The following MIER1 variants were observed in gnomAD, a reference collection of about 807,000 sequenced individuals.
MIER1 encodes the protein MIER1 transcriptional regulator.
In MIER1, 40 loss-of-function variants were observed where a neutral mutation model predicts 75.7. That is an observed-to-expected ratio of 0.53 (90% CI 0.41 to 0.69). The LOEUF (loss-of-function observed/expected upper bound fraction) is 0.69, where lower values mean the gene tolerates loss of function less well. Ranked by LOEUF, MIER1 falls within the 30% of genes least tolerant of loss-of-function variation. The probability of loss-of-function intolerance (pLI) is 0.00; values close to 1 mark genes in which losing one functional copy is unlikely to be tolerated. For missense variants in MIER1, 574 were observed against 680.2 expected (o/e 0.84, Z 1.74); for synonymous variants, 213 against 223.4 (o/e 0.95, Z 0.42).
Position 66,958,235 on chromosome 1 carries a change from A to C in MIER1, c.501+15A>C. 1 of 1,572,400 alleles carries C rather than the reference A, an allele frequency of 6.4e-7. No homozygotes were observed. The highest frequency in any genetic ancestry group is 1.7e-5 in the Admixed American group (1 of 57,222). ...GGGAAAATAAAGTAAGTCTATATACATATATTTAAGATTGTAGTCTTTATT... is the reference window on the plus strand; with the variant it reads ...GGGAAAATAAAGTAAGTCTATATACCTATATTTAAGATTGTAGTCTTTATT... On this transcript the variant is annotated intron_variant, in intron 5 of 13. Transcript: ENST00000401041.
chr1:66,982,029 A>C, intron 13 of MIER1, 111 bp downstream of exon 13: 1 of 1,054,052 alleles, frequency 9.5e-7, no homozygotes, highest in Non-Finnish European at 1.4e-6. Context: ...AGAAAGTAAA[A>C]AATGATAACA....
At chr1:66,942,818 G>A (rs1433158959) in intron 3 of MIER1, among the ~76,000 whole-genome samples, 1 of 151,960 alleles carries the variant, frequency 6.6e-6, no homozygotes, top group Non-Finnish European at 1.5e-5. Context: ...ACACTTTGTT[G>A]TTTGATGTAA....
Position 66,987,799 on chromosome 1 carries a change from A to G in MIER1, c.*2899A>G, listed in dbSNP as rs926843631. ...TACACAGTCTGTTTCTTCTATTCCT[A>G]GACATATTGCACTACTTTTTCAGTG... On this transcript the variant is annotated 3_prime_UTR_variant, in exon 14 of 14. Transcript: ENST00000401041. 3.9e-5 allele frequency: 6 copies of G among 152,186 alleles called. No homozygotes were observed. The highest frequency in any genetic ancestry group is 1.4e-4 in the African/African-American group (6 of 41,400). The allele number at this position is 152,186 out of a possible 1,614,324, so 9.4% of individuals were successfully genotyped here. A position where few individuals can be genotyped will look rare whatever the true frequency, so the allele number is the denominator to read the frequency against.
intron 3 of MIER1, 82 bp downstream of exon 3, chr1:66,940,134 C>G (rs1655846227): frequency 1.0e-6 from 1 of 991,620 alleles, no homozygotes; most frequent in Non-Finnish European, 1.6e-6. Context: ...AGGAGTTAGA[C>G]TATTATCTGA....
rs759675484 is a variant in MIER1 at position 66,930,173 on chromosome 1, C to T, written c.168+3931C>T. On this transcript the variant is annotated intron_variant, in intron 2 of 13. Transcript: ENST00000401041. The stretch of plus-strand genomic sequence containing the variant: ...CCTGCTCCGGCGCGTGCTCGCTGGT[C>T]TTTTCCCTCCAGTCCAGCCCAGCCG... 12 of 1,293,500 alleles carry T rather than the reference C, an allele frequency of 9.3e-6. No homozygotes were observed. In the African/African-American group the frequency reaches 9.4e-5, roughly 10 times the overall value. 80.1% of individuals were successfully genotyped at this position (1,293,500 alleles called of 1,614,324 possible). A position where few individuals can be genotyped will look rare whatever the true frequency, so the allele number is the denominator to read the frequency against.
chr1:66,948,924 A>G (rs191963699), intron 4 of MIER1, among the ~76,000 whole-genome samples: 3 of 152,268 alleles, frequency 2.0e-5, no homozygotes, highest in Non-Finnish European at 2.9e-5. Flanking sequence ...TATTTTTCAG[A>G]GACTGTGTGT....
chr1:66,980,183 C>A (rs1665602361), intron 12 of MIER1, among the ~76,000 whole-genome samples: 1 of 152,216 alleles, frequency 6.6e-6, no homozygotes, highest in South Asian at 2.1e-4. Flanking sequence ...TTGGGACTCA[C>A]CACACTTATT....
At chr1:66,972,753 A>T in intron 10 of MIER1, 144 bp from the exon 11 acceptor site, 1 of 536,868 alleles carries the variant, frequency 1.9e-6, no homozygotes, top group South Asian at 2.7e-5. Context: ...TTGTCACTTT[A>T]TCTTTTGCAA....
At position 66,986,863 on chromosome 1, in the gene MIER1, A is replaced by G. The variant is rs1365280752; in HGVS notation, c.*1963A>G. On this transcript the variant is annotated 3_prime_UTR_variant, in exon 14 of 14. Transcript: ENST00000401041. ...ATCATTTTTTATTAAATGAATCCAA[A>G]GTATCCTAGCTCTTTGTCAAAGATG... The G allele has an allele frequency of 6.2e-6, 1 of 161,526 alleles. No individual in the cohort carries two copies. Among genetic ancestry groups the G allele is most frequent in the African/African-American group, 2.4e-5 (1 of 41,652 alleles). The allele number at this position is 161,526 out of a possible 1,614,324, so 10.0% of individuals were successfully genotyped here. A position where few individuals can be genotyped will look rare whatever the true frequency, so the allele number is the denominator to read the frequency against.
chr1:66,943,744 C>A (rs1656804256), intron 3 of MIER1, among the ~76,000 whole-genome samples: 1 of 152,132 alleles, frequency 6.6e-6, no homozygotes, highest in Non-Finnish European at 1.5e-5. Flanking sequence ...TCTGGTGCTT[C>A]TGAAAGGGCA....
intron 2 of MIER1, among the ~76,000 whole-genome samples, chr1:66,936,453 G>A (rs1211188734): frequency 2.6e-5 from 4 of 151,684 alleles, no homozygotes; most frequent in Non-Finnish European, 4.4e-5. Context: ...GGCTGGTCTC[G>A]AACCCCTGAC....
At chr1:66,947,919 C>G in intron 4 of MIER1, 1 of 985,408 alleles carries the variant, frequency 1.0e-6, no homozygotes, top group African/African-American at 1.7e-5. Context: ...AAGGCCGGCT[C>G]CTTATCCTCT....
chr1:66,966,605 C>T lies in MIER1; in HGVS notation c.772+3445C>T, dbSNP rs542631206. 5.9e-5 allele frequency among the ~76,000 whole-genome samples: 9 copies of T among 152,298 alleles called. No individual in the cohort carries two copies. In the South Asian group the frequency reaches 1.9e-3, roughly 32 times the overall value. The stretch of plus-strand genomic sequence containing the variant: ...TTCTAGTTCTAGGTCCTTGAGGAAT[C>T]GCCACACTGTCTTCCACAATGGTTG... On this transcript the variant is annotated intron_variant, in intron 8 of 13. Coordinates refer to ENST00000401041, the MANE Select transcript of MIER1 (RefSeq NM_001077700.3).
At chr1:66,929,651 C>T (rs996112413) in intron 2 of MIER1, among the ~76,000 whole-genome samples, 1 of 152,192 alleles carries the variant, frequency 6.6e-6, no homozygotes, top group African/African-American at 2.4e-5. Context: ...AAATTCAGTA[C>T]ATAACTGTGT....
chr1:66,934,146 T>A (rs974756155), intron 2 of MIER1, among the ~76,000 whole-genome samples: 3 of 152,168 alleles, frequency 2.0e-5, no homozygotes, highest in South Asian at 2.1e-4. Context: ...GTCCTAGATT[T>A]AAAAAAATAA....
chr1:66,972,749 C>T, intron 10 of MIER1, 148 bp from the exon 11 acceptor site: 1 of 532,380 alleles, frequency 1.9e-6, no homozygotes, highest in Non-Finnish European at 3.3e-6. Flanking sequence ...ATTGTTGTCA[C>T]TTTATCTTTT....
chr1:66,937,841 T>G (rs1655278840), intron 2 of MIER1, among the ~76,000 whole-genome samples: 1 of 152,208 alleles, frequency 6.6e-6, no homozygotes, highest in Non-Finnish European at 1.5e-5. Context: ...TGTATTTAAC[T>G]TTAAAGAATC....
rs1275269761 is a variant in MIER1, at chr1:66,985,943, GCAAGA to G, written c.*1047_*1051del. The G allele has an allele frequency of 5.1e-6, 5 of 983,674 alleles. No homozygotes were observed. Among genetic ancestry groups the G allele is most frequent in the South Asian group, 4.7e-5 (1 of 21,242 alleles). The allele number at this position is 983,674 out of a possible 1,614,324, so 60.9% of individuals were successfully genotyped here. A position where few individuals can be genotyped will look rare whatever the true frequency, so the allele number is the denominator to read the frequency against. On this transcript the variant is annotated 3_prime_UTR_variant, in exon 14 of 14. Transcript: ENST00000401041. ...TATAATTTTCAAAATTATTTTTGAA[GCAAGA>G]CAAAAGTTTAATGTCAGCTTAAGTG...
Position 66,988,170 on chromosome 1 carries a change from A to C in MIER1, c.*3270A>C, listed in dbSNP as rs1667019305. 1 of 152,316 alleles carries C rather than the reference A, an allele frequency of 6.6e-6. No individual in the cohort carries two copies. The highest frequency in any genetic ancestry group is 2.1e-4 in the South Asian group (1 of 4,834). The allele number at this position is 152,316 out of a possible 1,614,324, so 9.4% of individuals were successfully genotyped here. A position where few individuals can be genotyped will look rare whatever the true frequency, so the allele number is the denominator to read the frequency against. On this transcript the variant is annotated 3_prime_UTR_variant, in exon 14 of 14. Coordinates refer to ENST00000401041, the MANE Select transcript of MIER1 (RefSeq NM_001077700.3). ...TAAGGTTTTCCCAACTATAATCCAT[A>C]TTCATGAAAAATGCCAGTGTGGAAA...
Sources: allele counts gnomAD v4.1 joint callset (sites outside exome capture counted in the v4.1 genomes callset), GRCh38; gene constraint gnomAD v4.1.1; transcripts MANE v1.5; gene names NCBI Gene and HGNC (gene_info 2026-07-23, HGNC 2026-07-21).